The following EPRS1 variants were observed in gnomAD, a reference collection of about 807,000 sequenced individuals.
EPRS1 encodes bifunctional glutamate/proline--tRNA ligase.
In EPRS1, 107 loss-of-function variants were observed where a neutral mutation model predicts 188.3. The ratio of observed to expected loss-of-function variants is 0.57; its 90% CI spans 0.49 to 0.67. The LOEUF (loss-of-function observed/expected upper bound fraction) is 0.67. EPRS1 is among the 30% of genes least tolerant of loss of function. The pLI is 0.00. For missense variants in EPRS1, 1,577 were observed against 1,802.2 expected, an observed-to-expected ratio of 0.88 and a Z score of 2.26; for synonymous variants, 596 against 593.1, an observed-to-expected ratio of 1.00 and a Z score of -0.07.
intron 16 of EPRS1, 135 bp from the exon 17 acceptor site, chr1:220,001,390 C>T (rs1694575): frequency 0.69 from 434,310 of 631,854 alleles, 153,525 homozygotes; most frequent in Non-Finnish European, 0.75. Flanking sequence ...CTTTTTGAGA[C>T]AGTCTCACTC....
Position 219,979,591 on chromosome 1 carries a change from G to A in EPRS1, c.3736C>T (p.Gln1246Ter). The change falls in exon 27 of 32, where the codon CAG becomes TAG. Residue 1246 changes from glutamine (Q) to a stop codon, truncating the protein, a stop_gained. Transcript: ENST00000366923. LOFTEE classifies it high-confidence loss of function. ...ATTTCAAACATTTTGGAAAAATTCT[G>A]CCCTAAATGATGTGATGTTCCTCCC... ...IQGGTSHHLGQNFSKMFEIVF... is the reference protein window; with the variant it reads ...IQGGTSHHLG The A allele has an allele frequency of 6.2e-7, 1 of 1,613,220 alleles. No homozygotes were observed. Among genetic ancestry groups the A allele is most frequent in the Non-Finnish European group, 8.5e-7 (1 of 1,179,324 alleles).
At chr1:219,998,365 T>TA (rs201871775) in intron 17 of EPRS1, among the ~76,000 whole-genome samples, 1,577 of 151,858 alleles carry the variant, frequency 0.01, 44 homozygotes, top group African/African-American at 0.036. Flanking sequence ...GGCATGTCAG[T>TA]AAAAAAAACC....
chr1:219,992,664 C>T (rs571213568), intron 18 of EPRS1, among the ~76,000 whole-genome samples: 79 of 152,288 alleles, frequency 5.2e-4, no homozygotes, highest in African/African-American at 1.9e-3. Context: ...TAGTGGCTCA[C>T]GCCTGTAATC....
At chr1:220,016,008 G>A (rs144024809) in intron 12 of EPRS1, among the ~76,000 whole-genome samples, 180 of 152,192 alleles carry the variant, frequency 1.2e-3, no homozygotes, top group African/African-American at 4.1e-3. Flanking sequence ...TATACCTAAG[G>A]CATCTGAATA....
intron 17 of EPRS1, among the ~76,000 whole-genome samples, chr1:219,999,105 G>T (rs1661294805): frequency 6.6e-6 from 1 of 151,988 alleles, no homozygotes; most frequent in African/African-American, 2.4e-5. Flanking sequence ...CTTTAATGAG[G>T]ATGATGCTTA....
chr1:219,980,787 G>A lies in EPRS1; in HGVS notation c.3524C>T (p.Ala1175Val), dbSNP rs756471868. The part of the protein sequence containing the change: ...REFLWQEGHS[A>V]FATMEEAAEE... The stretch of plus-strand genomic sequence containing the variant: ...CGCTGCCTCTTCCATGGTAGCAAAA[G>A]CACTGTGCCCTTCCTGCCAAAGAAA... Residue 1175 changes from alanine (A) to valine (V), a missense_variant, in exon 25 of 32, where the codon GCT becomes GTT. By Grantham distance (64) the Ala-to-Val change is moderately conservative (BLOSUM62 0). Transcript: ENST00000366923. 3.7e-6 allele frequency: 6 copies of A among 1,613,186 alleles called. No homozygotes were observed. Among genetic ancestry groups the A allele is most frequent in the South Asian group, 1.1e-5 (1 of 90,874 alleles).
In EPRS1 at chr1:219,968,836, C is replaced by T. The variant is rs1169232186; in HGVS notation, c.4509G>A (p.Lys1503=). 1.2e-6 allele frequency: 2 copies of T among 1,614,140 alleles called. No homozygotes were observed. Among genetic ancestry groups the T allele is most frequent in the South Asian group, 2.2e-5 (2 of 91,086 alleles). ...AKCVCGKNPA[K]YYTLFGRSY ...AGCTGCGACCAAATAAGGTGTAGTACTTGGCAGGGTTCTTGCCACAGACAC... is the reference window on the plus strand; with the variant it reads ...AGCTGCGACCAAATAAGGTGTAGTATTTGGCAGGGTTCTTGCCACAGACAC... Residue 1503 remains lysine (K), a synonymous_variant, in exon 32 of 32, where the codon AAG becomes AAA. Coordinates refer to ENST00000366923, the MANE Select transcript of EPRS1 (RefSeq NM_004446.3).
chr1:220,016,710 G>C (rs1661723320), intron 12 of EPRS1, among the ~76,000 whole-genome samples: 1 of 58,256 alleles, frequency 1.7e-5, no homozygotes, highest in Admixed American at 2.1e-4. Context: ...TGAGAACCTG[G>C]CTTTTTTTTT....
At chr1:219,976,230 AG>A (rs1250670898) in intron 28 of EPRS1, among the ~76,000 whole-genome samples, 1 of 152,242 alleles carries the variant, frequency 6.6e-6, no homozygotes, top group Non-Finnish European at 1.5e-5. Context: ...AATATGAATT[AG>A]CTAATAGAAA....
At chr1:220,016,321 G>A (rs977443580) in intron 12 of EPRS1, among the ~76,000 whole-genome samples, 1 of 147,560 alleles carries the variant, frequency 6.8e-6, no homozygotes, top group Non-Finnish European at 1.5e-5. Context: ...TCCAGCCTAA[G>A]TAACAGGGTG....
rs796832965 is a variant in EPRS1 at position 220,028,465 on chromosome 1, GCGCA to G, written c.623+1917_623+1920del. Among the ~76,000 whole-genome samples, 5 of 31,388 alleles carry G rather than the reference GCGCA, an allele frequency of 1.6e-4. No homozygotes were observed. The African/African-American group carries it at 2.1e-3, about 13-fold the overall frequency. The allele number at this position is 31,388 out of a possible 152,430, so 20.6% of individuals were successfully genotyped here. On this transcript the variant is annotated intron_variant, in intron 6 of 31. Coordinates refer to ENST00000366923, the MANE Select transcript of EPRS1 (RefSeq NM_004446.3). ...CAGAATCGCTAAAACACACACACAC[GCGCA>G]CACACACACACACACAAAAGAATCA... is the stretch of plus-strand genomic sequence containing the variant.
At chr1:219,998,528 T>C (rs541105026) in intron 17 of EPRS1, among the ~76,000 whole-genome samples, 1 of 147,198 alleles carries the variant, frequency 6.8e-6, no homozygotes, top group South Asian at 2.1e-4. Context: ...ATATCAAAAA[T>C]ATATATTTGT....
chr1:219,971,291 T>C (rs1374348199), intron 30 of EPRS1, among the ~76,000 whole-genome samples: 3 of 152,170 alleles, frequency 2.0e-5, no homozygotes, highest in Admixed American at 6.5e-5. Context: ...CTGAAATTCT[T>C]CTTTATGAAA....
intron 12 of EPRS1, among the ~76,000 whole-genome samples, chr1:220,014,199 G>A (rs1480989294): frequency 1.3e-5 from 2 of 151,910 alleles, no homozygotes; most frequent in Non-Finnish European, 2.9e-5. Context: ...GTGGTGGCAG[G>A]CACATGTAAT....
At chr1:219,982,870 A>AC (rs1322901165) in intron 22 of EPRS1, 26 bp from the exon 23 acceptor site, 1 of 1,607,070 alleles carries the variant, frequency 6.2e-7, no homozygotes, top group Non-Finnish European at 8.5e-7. Flanking sequence ...CATTTTTCAT[A>AC]CTTTTTTTTC....
At chr1:219,984,008 C>A (rs918017256) in intron 21 of EPRS1, among the ~76,000 whole-genome samples, 198 bp downstream of exon 21, 1 of 151,474 alleles carries the variant, frequency 6.6e-6, no homozygotes, top group Admixed American at 6.6e-5. Flanking sequence ...ATCACTATCT[C>A]ATGGTACTGC....
At position 220,007,333 on chromosome 1, in the gene EPRS1, A is replaced by G; in HGVS notation, c.1611T>C (p.Pro537=). ...ACCACACAGGCTTCAAGCCAACCTCAGGATTCTGATTGATAAAGAAAAGCA... is the reference window on the plus strand; with the variant it reads ...ACCACACAGGCTTCAAGCCAACCTCGGGATTCTGATTGATAAAGAAAAGCA... ...MKEVAKHPKN[P]EVGLKPVWYS... is the part of the protein sequence containing the mutation. The change falls in exon 14 of 32, where the codon CCT becomes CCC. Residue 537 remains proline, a synonymous_variant. Coordinates refer to ENST00000366923, the MANE Select transcript of EPRS1 (RefSeq NM_004446.3). 6.2e-7 allele frequency: 1 copy of G among 1,607,252 alleles called. No individual in the cohort carries two copies. The highest frequency in any genetic ancestry group is 8.5e-7 in the Non-Finnish European group (1 of 1,178,258).
At chr1:219,992,868 A>G (rs975491575) in intron 18 of EPRS1, among the ~76,000 whole-genome samples, 2 of 152,188 alleles carry the variant, frequency 1.3e-5, no homozygotes, top group African/African-American at 4.8e-5. Flanking sequence ...CGGAGGCGCC[A>G]AGATCTCACC....
At chr1:220,042,934 CA>C (rs982682588) in intron 1 of EPRS1, among the ~76,000 whole-genome samples, 3 of 151,556 alleles carry the variant, frequency 2.0e-5, no homozygotes, top group African/African-American at 7.3e-5. Flanking sequence ...AACAAACAAA[CA>C]AAAAACAACA....
Sources: gnomAD v4.1 joint callset for allele counts (sites outside exome capture counted in the v4.1 genomes callset) on GRCh38, gnomAD v4.1.1 for gene constraint, MANE v1.5 for transcripts, NCBI Gene and HGNC (gene_info 2026-07-23, HGNC 2026-07-21) for gene names.